PAK5: variants seen among roughly 807,000 people sequenced by gnomAD.
PAK5 encodes the protein serine/threonine-protein kinase PAK 5.
In PAK5, 16 loss-of-function variants were observed where a neutral mutation model predicts 65.9. The ratio of observed to expected loss-of-function variants is 0.24; its 90% CI spans 0.16 to 0.37. The LOEUF (loss-of-function observed/expected upper bound fraction) is 0.37, where lower values mean the gene tolerates loss of function less well. Among genes scored for constraint, PAK5 ranks in the 10% least tolerant of loss-of-function variants. The pLI, the probability that PAK5 is intolerant of heterozygous loss-of-function variation, is 1.00. For missense variants in PAK5, 785 were observed against 903.9 expected, an observed-to-expected ratio of 0.87 and a Z score of 1.69; for synonymous variants, 371 against 354.9, an observed-to-expected ratio of 1.05 and a Z score of -0.51.
intron 4 of PAK5, among the ~76,000 whole-genome samples, chr20:9,573,110 TG>T (rs1360512870): frequency 2.0e-5 from 3 of 152,002 alleles, no homozygotes; most frequent in African/African-American, 7.3e-5. Flanking sequence ...TTTTTTTTTT[TG>T]AAATGGCTAA....
rs1030297072 is a variant in PAK5 at position 9,642,046 on chromosome 20, C to A, written c.204+2079G>T. Among the ~76,000 whole-genome samples the A allele has an allele frequency of 3.9e-5, 6 of 152,216 alleles. No homozygotes were observed. In the South Asian group the frequency reaches 1.2e-3, roughly 32 times the overall value. On this transcript the variant is annotated intron_variant, in intron 3 of 9. Transcript: ENST00000353224. ...CCAGAAAGGGGCTCCCACAGTGCAG[C>A]GGGGGGGCTGAAGGGCTCCTCAAAT...
intron 1 of PAK5, among the ~76,000 whole-genome samples, chr20:9,833,492 T>G (rs562286365): frequency 2.2e-5 from 3 of 134,080 alleles, no homozygotes; most frequent in Admixed American, 7.9e-5. Context: ...ACCACCTTCA[T>G]GTATTCGTCT....
At chr20:9,612,633 A>AC (rs559112215) in intron 3 of PAK5, among the ~76,000 whole-genome samples, 21 of 151,442 alleles carry the variant, frequency 1.4e-4, no homozygotes, top group East Asian at 1.2e-3. Context: ...TGAGAACTCC[A>AC]CCCCCCCGAT....
chr20:9,736,875 A>G (rs1473254929), intron 1 of PAK5, among the ~76,000 whole-genome samples: 1 of 152,210 alleles, frequency 6.6e-6, no homozygotes, highest in Non-Finnish European at 1.5e-5. Flanking sequence ...ATATTGCTCA[A>G]AAACAGTGAT....
intron 3 of PAK5, among the ~76,000 whole-genome samples, chr20:9,636,118 A>G (rs1279040222): frequency 6.6e-6 from 1 of 152,216 alleles, no homozygotes; most frequent in Non-Finnish European, 1.5e-5. Flanking sequence ...AAGGGAAATA[A>G]TGCTAGAAAA....
chr20:9,577,944 A>G (rs1462625535), intron 4 of PAK5, among the ~76,000 whole-genome samples: 2 of 152,124 alleles, frequency 1.3e-5, no homozygotes, highest in East Asian at 1.9e-4. Flanking sequence ...TTTGTCTTAT[A>G]TTTGGAAGTC....
intron 2 of PAK5, among the ~76,000 whole-genome samples, chr20:9,710,869 C>T (rs1298951382): frequency 6.6e-6 from 1 of 152,086 alleles, no homozygotes; most frequent in Non-Finnish European, 1.5e-5. Context: ...TGAATATATC[C>T]ACATGGATCC....
intron 2 of PAK5, among the ~76,000 whole-genome samples, chr20:9,658,753 T>C (rs1321482690): frequency 6.6e-6 from 1 of 152,206 alleles, no homozygotes; most frequent in East Asian, 1.9e-4. Flanking sequence ...TACTGTCACA[T>C]AGCTAATTTC....
At chr20:9,613,432 G>T (rs1221846326) in intron 3 of PAK5, among the ~76,000 whole-genome samples, 1 of 152,198 alleles carries the variant, frequency 6.6e-6, no homozygotes, top group Non-Finnish European at 1.5e-5. Context: ...TGGGAGCTCA[G>T]TGTGCACAGG....
intron 3 of PAK5, among the ~76,000 whole-genome samples, chr20:9,587,819 G>C (rs1013578576): frequency 6.6e-6 from 1 of 152,022 alleles, no homozygotes; most frequent in African/African-American, 2.4e-5. Flanking sequence ...AAAAAAGTTA[G>C]ACTGAGGTAT....
chr20:9,627,555 C>A (rs1203960054), intron 3 of PAK5, among the ~76,000 whole-genome samples: 1 of 152,172 alleles, frequency 6.6e-6, no homozygotes, highest in African/African-American at 2.4e-5. Flanking sequence ...CCCTTAGAAA[C>A]CTCACACTTG....
At chr20:9,629,275 A>C (rs183110947) in intron 3 of PAK5, among the ~76,000 whole-genome samples, 247 of 152,294 alleles carry the variant, frequency 1.6e-3, no homozygotes, top group African/African-American at 5.8e-3. Context: ...ATTTATGGTA[A>C]TTTGTTACAT....
chr20:9,594,722 C>T (rs1042677610), intron 3 of PAK5, among the ~76,000 whole-genome samples: 1 of 152,238 alleles, frequency 6.6e-6, no homozygotes, highest in African/African-American at 2.4e-5. Context: ...CAACTTGTAA[C>T]AGACTTTGGA....
intron 3 of PAK5, among the ~76,000 whole-genome samples, chr20:9,611,647 G>C (rs2046562731): frequency 6.6e-6 from 1 of 152,176 alleles, no homozygotes; most frequent in Non-Finnish European, 1.5e-5. Flanking sequence ...ATAAACTTCA[G>C]CCTGTCTGTT....
intron 1 of PAK5, among the ~76,000 whole-genome samples, chr20:9,771,005 G>A (rs575233707): frequency 2.0e-4 from 31 of 152,218 alleles, no homozygotes; most frequent in Middle Eastern, 3.4e-3. Context: ...GGGTATAAAC[G>A]TAAGAGAACA....
chr20:9,670,748 C>G (rs1356375469), intron 2 of PAK5, among the ~76,000 whole-genome samples: 1 of 152,176 alleles, frequency 6.6e-6, no homozygotes, highest in Admixed American at 6.5e-5. Flanking sequence ...ATGGTAGTTT[C>G]TTTCACTGTG....
chr20:9,662,343 A>G (rs577937104), intron 2 of PAK5, among the ~76,000 whole-genome samples: 1 of 152,234 alleles, frequency 6.6e-6, no homozygotes, highest in African/African-American at 2.4e-5. Context: ...CACCAGCAAC[A>G]ACAGCAACAA....
intron 3 of PAK5, among the ~76,000 whole-genome samples, chr20:9,616,059 C>T (rs1041767497): frequency 2.0e-5 from 3 of 152,170 alleles, no homozygotes; most frequent in African/African-American, 7.2e-5. Flanking sequence ...AGTCCCACGT[C>T]AAGGGGAGGG....
chr20:9,617,481 G>A (rs118059565), intron 3 of PAK5, among the ~76,000 whole-genome samples: 1 of 148,904 alleles, frequency 6.7e-6, no homozygotes, highest in East Asian at 2.0e-4. Flanking sequence ...TTGCTTAATT[G>A]TAATATGATA....
Sources: allele counts gnomAD v4.1 joint callset (sites outside exome capture counted in the v4.1 genomes callset), GRCh38; gene constraint gnomAD v4.1.1; transcripts MANE v1.5; gene names NCBI Gene and HGNC (gene_info 2026-07-23, HGNC 2026-07-21).